The following NPAS3 variants were observed in gnomAD, a reference collection of about 807,000 sequenced individuals.
NPAS3 encodes the protein neuronal PAS domain-containing protein 3.
Under a neutral mutation model 73.1 loss-of-function variants are expected in NPAS3, and 14 were observed. The observed-to-expected ratio is 0.19, with a 90% CI of 0.13 to 0.30. The LOEUF (loss-of-function observed/expected upper bound fraction) is 0.30, where lower values mean the gene tolerates loss of function less well. NPAS3 is among the 10% of genes least tolerant of loss of function. The pLI is 1.00. For synonymous variants in NPAS3, 620 were observed against 541.5 expected (o/e 1.14, Z -2.01); for missense variants, 1,096 against 1,250.0 (o/e 0.88, Z 1.86).
At chr14:33,148,085 T>TTC (rs2044313286) in intron 2 of NPAS3, among the ~76,000 whole-genome samples, 2 of 152,190 alleles carry the variant, frequency 1.3e-5, no homozygotes, top group Non-Finnish European at 2.9e-5. Context: ...GTGCCCTTGC[T>TTC]ACCTTTCTTC....
chr14:33,795,404 G>A (rs1436466149), intron 10 of NPAS3, among the ~76,000 whole-genome samples: 1 of 152,118 alleles, frequency 6.6e-6, no homozygotes, highest in African/African-American at 2.4e-5. Context: ...TGATATCAAG[G>A]AATCCTTGTA....
chr14:33,230,550 A>G (rs28379605), intron 3 of NPAS3, among the ~76,000 whole-genome samples: 1,556 of 152,330 alleles, frequency 0.01, 25 homozygotes, highest in African/African-American at 0.036. Context: ...AGAGAATTAC[A>G]TCTACTCTAG....
At chr14:33,528,916 C>G (rs1701146847) in intron 4 of NPAS3, among the ~76,000 whole-genome samples, 1 of 152,088 alleles carries the variant, frequency 6.6e-6, no homozygotes, top group South Asian at 2.1e-4. Context: ...ATCTGAGGAC[C>G]TGAGCAACTC....
At chr14:33,072,367 A>G (rs979664417) in intron 2 of NPAS3, among the ~76,000 whole-genome samples, 1 of 152,266 alleles carries the variant, frequency 6.6e-6, no homozygotes, top group Non-Finnish European at 1.5e-5. Flanking sequence ...ATTATCACAG[A>G]GCAGTGTATT....
At position 33,749,321 on chromosome 14, in the gene NPAS3, G is replaced by A. The variant is rs571532065; in HGVS notation, c.852+13989G>A. Among the ~76,000 whole-genome samples the A allele has an allele frequency of 2.6e-5, 4 of 152,216 alleles. No homozygotes were observed. In the South Asian group the frequency reaches 8.3e-4, roughly 32 times the overall value. ...TATCTATCTTCTTTAATTATTTGCA[G>A]TTGGCTTATTGGTGAATACCTAGGC... is the stretch of plus-strand genomic sequence containing the variant. On this transcript the variant is annotated intron_variant, in intron 7 of 11. Transcript: ENST00000356141.
chr14:33,481,084 A>G (rs6571599), intron 4 of NPAS3, among the ~76,000 whole-genome samples: 3,918 of 152,244 alleles, frequency 0.026, 80 homozygotes, highest in Middle Eastern at 0.068. Flanking sequence ...GGGTCTAATA[A>G]GGATAGATAT....
At chr14:33,301,718 AT>A (rs1188176053) in intron 3 of NPAS3, among the ~76,000 whole-genome samples, 5 of 152,222 alleles carry the variant, frequency 3.3e-5, no homozygotes, top group Admixed American at 2.6e-4. Context: ...AATACCAGGG[AT>A]AAAGCAAATC....
intron 2 of NPAS3, chr14:33,214,039 C>G (rs1039694649): frequency 3.9e-5 from 6 of 152,012 alleles, no homozygotes; most frequent in Non-Finnish European, 7.4e-5. Context: ...CCTTGTTTCT[C>G]TCTTTCTTAT....
chr14:33,199,103 G>T (rs987230058), intron 2 of NPAS3, among the ~76,000 whole-genome samples: 1 of 152,182 alleles, frequency 6.6e-6, no homozygotes, highest in East Asian at 1.9e-4. Flanking sequence ...TGCAGCCCTG[G>T]TTCCTGCCCG....
intron 5 of NPAS3, among the ~76,000 whole-genome samples, chr14:33,667,008 G>T (rs557516201): frequency 6.6e-6 from 1 of 152,002 alleles, no homozygotes; most frequent in Non-Finnish European, 1.5e-5. Context: ...TCTAGTAGCC[G>T]CATTTTAAAA....
chr14:33,199,463 G>C lies in NPAS3; in HGVS notation c.141-15719G>C, dbSNP rs1047360079. On this transcript the variant is annotated intron_variant, in intron 2 of 11. Coordinates refer to ENST00000356141, the Ensembl canonical transcript of NPAS3. ...GACTCGGCATTCTGAATGTTACTGT[G>C]TATGATTATAAAGAGAGGCTAGACA... Among the ~76,000 whole-genome samples the C allele has an allele frequency of 2.0e-5, 3 of 152,130 alleles. No homozygotes were observed. The South Asian group carries it at 6.2e-4, about 32-fold the overall frequency.
chr14:33,717,809 T>C (rs886588450), intron 6 of NPAS3, among the ~76,000 whole-genome samples: 1 of 152,094 alleles, frequency 6.6e-6, no homozygotes. Context: ...AAGGTGCTTA[T>C]CTCAAAGAGT....
chr14:33,067,004 A>T (rs1250851547), intron 2 of NPAS3, among the ~76,000 whole-genome samples: 1 of 152,206 alleles, frequency 6.6e-6, no homozygotes, highest in Admixed American at 6.5e-5. Context: ...TTTGAAATAG[A>T]CAATATTATT....
chr14:33,450,631 G>A (rs2049748885), intron 4 of NPAS3, among the ~76,000 whole-genome samples: 1 of 152,132 alleles, frequency 6.6e-6, no homozygotes. Context: ...CTGCCAGATT[G>A]CTTGTAGTTT....
chr14:33,555,115 G>A (rs138602948), intron 4 of NPAS3, among the ~76,000 whole-genome samples: 31 of 152,094 alleles, frequency 2.0e-4, no homozygotes, highest in African/African-American at 3.1e-4. Flanking sequence ...GGAAATCTCC[G>A]ATCAGCCCTG....
At chr14:33,447,788 A>G (rs1163909540) in intron 4 of NPAS3, among the ~76,000 whole-genome samples, 1 of 152,152 alleles carries the variant, frequency 6.6e-6, no homozygotes, top group Non-Finnish European at 1.5e-5. Context: ...AGTGGCACAC[A>G]CCTATAGTAT....
At chr14:33,143,138 G>A (rs997447682) in intron 2 of NPAS3, among the ~76,000 whole-genome samples, 1 of 151,022 alleles carries the variant, frequency 6.6e-6, no homozygotes, top group African/African-American at 2.4e-5. Context: ...CTTAAATCTT[G>A]TCTCCTTTAA....
chr14:33,047,887 T>C (rs2040564806), intron 1 of NPAS3, among the ~76,000 whole-genome samples: 1 of 152,226 alleles, frequency 6.6e-6, no homozygotes. Context: ...ATTGTAACTC[T>C]GAAAGCTATC....
intron 1 of NPAS3, among the ~76,000 whole-genome samples, chr14:32,999,724 G>GA (rs1452031152): frequency 2.6e-5 from 4 of 152,010 alleles, no homozygotes; most frequent in African/African-American, 9.7e-5. Context: ...ATAGCCCGGG[G>GA]AAAAATCTGT....
Sources: gnomAD v4.1 joint callset for allele counts (sites outside exome capture counted in the v4.1 genomes callset) on GRCh38, gnomAD v4.1.1 for gene constraint, MANE v1.5 for transcripts, NCBI Gene and HGNC (gene_info 2026-07-23, HGNC 2026-07-21) for gene names.